QTMAN: variants seen among roughly 807,000 people sequenced by gnomAD.
The protein encoded by QTMAN is tRNA-queuosine alpha-mannosyltransferase.
chr2:144,163,530 TC>T, the QTMAN span, among the ~76,000 whole-genome samples: 1 of 152,178 alleles, frequency 6.6e-6, no homozygotes, highest in Non-Finnish European at 1.5e-5. Context: ...TCTCAAGTTT[TC>T]TTTTTATAAA....
At chr2:144,031,218 C>T in the QTMAN span, among the ~76,000 whole-genome samples, 1 of 151,276 alleles carries the variant, frequency 6.6e-6, no homozygotes, top group Non-Finnish European at 1.5e-5. Context: ...CCAGGTGGTT[C>T]TAAGTTGCCA....
the QTMAN span, among the ~76,000 whole-genome samples, chr2:144,072,369 T>C: frequency 6.6e-6 from 1 of 152,206 alleles, no homozygotes; most frequent in East Asian, 1.9e-4. Flanking sequence ...AATCTTACTT[T>C]CTTACCAGCA....
chr2:144,199,190 G>A, the QTMAN span, among the ~76,000 whole-genome samples: 1 of 152,044 alleles, frequency 6.6e-6, no homozygotes, highest in Non-Finnish European at 1.5e-5. Context: ...TGGGATTACA[G>A]GTGCCCACCA....
chr2:144,174,388 G>A, the QTMAN span, among the ~76,000 whole-genome samples: 2,168 of 152,214 alleles, frequency 0.014, 54 homozygotes, highest in African/African-American at 0.05. Context: ...GTCAGGAATC[G>A]ATGTCCCTCA....
chr2:144,288,990 A>G, the QTMAN span, among the ~76,000 whole-genome samples: 1 of 152,134 alleles, frequency 6.6e-6, no homozygotes, highest in Admixed American at 6.6e-5. Context: ...AGAAGATTCA[A>G]ACTATATTAA....
At chr2:144,036,340 C>A in the QTMAN span, among the ~76,000 whole-genome samples, 3 of 152,058 alleles carry the variant, frequency 2.0e-5, no homozygotes, top group Non-Finnish European at 4.4e-5. Context: ...TGTAGAGATG[C>A]CAGATAATTT....
the QTMAN span, among the ~76,000 whole-genome samples, chr2:144,093,643 T>G: frequency 6.6e-6 from 1 of 152,350 alleles, no homozygotes; most frequent in Non-Finnish European, 1.5e-5. Flanking sequence ...AACAAAGTTC[T>G]GCTAATAACT....
the QTMAN span, among the ~76,000 whole-genome samples, chr2:144,122,887 C>G: frequency 6.6e-6 from 1 of 152,110 alleles, no homozygotes; most frequent in Non-Finnish European, 1.5e-5. Flanking sequence ...GCTGGGGTTG[C>G]AAGCCCAATG....
chr2:144,046,345 T>C, the QTMAN span, among the ~76,000 whole-genome samples: 4 of 152,222 alleles, frequency 2.6e-5, no homozygotes, highest in Non-Finnish European at 5.9e-5. Flanking sequence ...TTTTGTTATG[T>C]TTTTCATTAT....
chr2:144,311,013 A>G, the QTMAN span, among the ~76,000 whole-genome samples: 18 of 152,212 alleles, frequency 1.2e-4, no homozygotes, highest in African/African-American at 4.1e-4. Flanking sequence ...CAGCACTGAG[A>G]CTAATGGATT....
chr2:144,316,922 T>G, the QTMAN span, among the ~76,000 whole-genome samples: 3 of 152,230 alleles, frequency 2.0e-5, no homozygotes, highest in Non-Finnish European at 2.9e-5. Flanking sequence ...ATACACCATT[T>G]AACTTGTTTC....
chr2:144,209,816 T>C, the QTMAN span, among the ~76,000 whole-genome samples: 1 of 152,196 alleles, frequency 6.6e-6, no homozygotes. Context: ...ATGTTTGAAT[T>C]TTCCTTTATG....
chr2:144,177,222 A>C, the QTMAN span: 5 of 701,152 alleles, frequency 7.1e-6, no homozygotes, highest in East Asian at 1.3e-4. Flanking sequence ...CAACATGTGA[A>C]GACATCAATC....
the QTMAN span, among the ~76,000 whole-genome samples, chr2:144,133,464 T>TATATAA: frequency 2.3e-4 from 13 of 55,588 alleles, no homozygotes; most frequent in African/African-American, 9.0e-4. Flanking sequence ...ATAATATATA[T>TATATAA]TATATATTAT....
the QTMAN span, among the ~76,000 whole-genome samples, chr2:144,256,308 G>C: frequency 5.3e-5 from 8 of 152,110 alleles, no homozygotes; most frequent in African/African-American, 1.9e-4. Context: ...TACAATGACG[G>C]TTTCAAAAGA....
the QTMAN span, among the ~76,000 whole-genome samples, chr2:143,993,532 G>A: frequency 1.3e-5 from 2 of 152,114 alleles, no homozygotes; most frequent in African/African-American, 4.8e-5. Context: ...AGCACAGGGA[G>A]ATTTGACACA....
chr2:144,107,626 C>A, the QTMAN span, among the ~76,000 whole-genome samples: 2 of 151,988 alleles, frequency 1.3e-5, no homozygotes, highest in African/African-American at 2.4e-5. Flanking sequence ...CTTACCAACC[C>A]AAAAAAGTCC....
chr2:144,133,155 T>TAAAA, the QTMAN span, among the ~76,000 whole-genome samples: 6 of 42,384 alleles, frequency 1.4e-4, no homozygotes, highest in African/African-American at 8.7e-4. Flanking sequence ...ATATATAATA[T>TAAAA]AATATAATAT....
the QTMAN span, among the ~76,000 whole-genome samples, chr2:144,303,445 AC>A: frequency 1.3e-5 from 2 of 152,194 alleles, no homozygotes; most frequent in African/African-American, 4.8e-5. Flanking sequence ...CTCAATATGG[AC>A]AAAATACTGG....
Sources: gnomAD v4.1 joint callset for allele counts (sites outside exome capture counted in the v4.1 genomes callset) on GRCh38, gnomAD v4.1.1 for gene constraint, MANE v1.5 for transcripts, NCBI Gene and HGNC (gene_info 2026-07-23, HGNC 2026-07-21) for gene names.